The following RREB1 variants were observed in gnomAD, a reference collection of about 807,000 sequenced individuals.
RREB1 encodes ras-responsive element-binding protein 1.
RREB1 carries 27 observed loss-of-function variants against 117.8 expected under a neutral mutation model. The observed-to-expected ratio is 0.23, with a 90% CI of 0.17 to 0.32. The LOEUF (loss-of-function observed/expected upper bound fraction) is 0.32, where lower values mean the gene tolerates loss of function less well. Ranked by LOEUF, RREB1 falls within the 10% of genes least tolerant of loss-of-function variation. The probability of loss-of-function intolerance (pLI) is 1.00; values close to 1 mark genes in which losing one functional copy is unlikely to be tolerated. For missense variants in RREB1, 2,577 were observed against 2,378.2 expected (o/e 1.08, Z -1.74); for synonymous variants, 1,298 against 1,026.7 (o/e 1.26, Z -5.05).
chr6:7,192,926 C>A (rs1765484822), intron 6 of RREB1, among the ~76,000 whole-genome samples: 1 of 152,120 alleles, frequency 6.6e-6, no homozygotes. Flanking sequence ...TTATAGCTAT[C>A]CATTTTCGTA....
At chr6:7,166,273 A>G (rs902882013) in intron 1 of RREB1, among the ~76,000 whole-genome samples, 1 of 152,208 alleles carries the variant, frequency 6.6e-6, no homozygotes, top group Non-Finnish European at 1.5e-5. Flanking sequence ...AAAAAGGCCC[A>G]TCCTGCCTGC....
At chr6:7,201,473 A>G (rs1328371099) in intron 6 of RREB1, among the ~76,000 whole-genome samples, 1 of 152,024 alleles carries the variant, frequency 6.6e-6, no homozygotes, top group Non-Finnish European at 1.5e-5. Flanking sequence ...GTGTTAAGGA[A>G]GGTGATTAGT....
intron 1 of RREB1, among the ~76,000 whole-genome samples, chr6:7,168,053 G>A: frequency 6.6e-6 from 1 of 152,098 alleles, no homozygotes. Context: ...TTGAGGTCAG[G>A]AGTTTGAGAC....
intron 8 of RREB1, among the ~76,000 whole-genome samples, chr6:7,225,236 C>T (rs771430330): frequency 2.0e-5 from 3 of 152,176 alleles, no homozygotes; most frequent in Non-Finnish European, 4.4e-5. Context: ...TACGCTTGCA[C>T]ACATAAATAC....
chr6:7,143,870 T>TTTTTTTTG (rs1762742886), intron 1 of RREB1, among the ~76,000 whole-genome samples: 1 of 86,970 alleles, frequency 1.1e-5, no homozygotes, highest in African/African-American at 4.0e-5. Flanking sequence ...TTTTTTTTTT[T>TTTTTTTTG]GCATAGGCCA....
chr6:7,228,755 G>A (rs942312480), intron 9 of RREB1, among the ~76,000 whole-genome samples: 17 of 151,684 alleles, frequency 1.1e-4, no homozygotes, highest in African/African-American at 3.9e-4. Context: ...TGATCCTCCC[G>A]CCTCAGTCTC....
intron 1 of RREB1, among the ~76,000 whole-genome samples, chr6:7,166,805 G>A (rs917989749): frequency 5.3e-5 from 8 of 152,138 alleles, no homozygotes; most frequent in Non-Finnish European, 8.8e-5. Context: ...CTTGCAGCTC[G>A]TCCCTGGGGC....
At chr6:7,142,277 A>G (rs952259950) in intron 1 of RREB1, among the ~76,000 whole-genome samples, 21 of 149,832 alleles carry the variant, frequency 1.4e-4, no homozygotes, top group African/African-American at 5.2e-4. Flanking sequence ...CACAAAACCC[A>G]GCCAGTTCTC....
intron 1 of RREB1, among the ~76,000 whole-genome samples, chr6:7,143,027 A>G (rs1424730893): frequency 6.6e-6 from 1 of 152,148 alleles, no homozygotes; most frequent in Non-Finnish European, 1.5e-5. Flanking sequence ...TCACTTTTAC[A>G]TTTGTGTTGG....
At chr6:7,149,887 C>G (rs529171201) in intron 1 of RREB1, among the ~76,000 whole-genome samples, 3 of 151,956 alleles carry the variant, frequency 2.0e-5, no homozygotes, top group Non-Finnish European at 4.4e-5. Flanking sequence ...CGGGGTTTCA[C>G]CATGTTGGCC....
At chr6:7,234,711 T>C (rs1467660311) in intron 10 of RREB1, among the ~76,000 whole-genome samples, 1 of 152,250 alleles carries the variant, frequency 6.6e-6, no homozygotes, top group Non-Finnish European at 1.5e-5. Flanking sequence ...GTAGAGCTAG[T>C]CTTCATGACA....
At chr6:7,171,154 T>A (rs1322607701) in intron 1 of RREB1, among the ~76,000 whole-genome samples, 1 of 152,218 alleles carries the variant, frequency 6.6e-6, no homozygotes, top group East Asian at 1.9e-4. Flanking sequence ...GCTTGGCTGC[T>A]TCTAGAACAC....
chr6:7,122,096 G>A (rs901128344), intron 1 of RREB1, among the ~76,000 whole-genome samples: 1 of 152,174 alleles, frequency 6.6e-6, no homozygotes, highest in Non-Finnish European at 1.5e-5. Flanking sequence ...TTTGGATAAT[G>A]CTTTTCTCTA....
intron 8 of RREB1, chr6:7,215,984 G>A (rs1201425240): frequency 6.6e-6 from 1 of 152,248 alleles, no homozygotes; most frequent in Non-Finnish European, 1.5e-5. Context: ...TGGTCACCCT[G>A]TTGGCACAGC....
At chr6:7,203,812 A>G (rs1415612259) in intron 6 of RREB1, among the ~76,000 whole-genome samples, 2 of 152,194 alleles carry the variant, frequency 1.3e-5, no homozygotes, top group Admixed American at 1.3e-4. Context: ...GGGCTTGTAG[A>G]AGACATCCAT....
intron 8 of RREB1, among the ~76,000 whole-genome samples, chr6:7,221,510 GCTGCACCACAT>G (rs1401210718): frequency 6.6e-6 from 1 of 152,034 alleles, no homozygotes; most frequent in Non-Finnish European, 1.5e-5. Context: ...CTTTTAACCA[GCTGCACCACAT>G]GCTTCTGGTT....
At position 7,148,962 on chromosome 6, in the gene RREB1, G is replaced by T. The variant is rs572580916; in HGVS notation, c.-284-27693G>T. Among the ~76,000 whole-genome samples the T allele has an allele frequency of 5.3e-4, 80 of 152,234 alleles. 1 individual carries two copies. The Middle Eastern group carries it at 0.017, about 32-fold the overall frequency. On this transcript the variant is annotated intron_variant, in intron 1 of 12. Coordinates refer to ENST00000379938, the MANE Select transcript of RREB1 (RefSeq NM_001003699.4). The stretch of plus-strand genomic sequence containing the variant: ...TTTTGAGACAGAGTCTTGCTCTGTT[G>T]CCCAGAATGGAGTGCAATGGCATGA...
chr6:7,157,157 C>T (rs907307087), intron 1 of RREB1, among the ~76,000 whole-genome samples: 2 of 152,092 alleles, frequency 1.3e-5, no homozygotes, highest in African/African-American at 2.4e-5. Flanking sequence ...TTTGGCTGGG[C>T]GCGGTGGCTC....
intron 6 of RREB1, among the ~76,000 whole-genome samples, chr6:7,191,442 A>G (rs1196724386): frequency 6.6e-6 from 1 of 152,126 alleles, no homozygotes; most frequent in Non-Finnish European, 1.5e-5. Flanking sequence ...GTTGTACGAC[A>G]TTTTGTGTGG....
Sources: gnomAD v4.1 joint callset for allele counts (sites outside exome capture counted in the v4.1 genomes callset) on GRCh38, gnomAD v4.1.1 for gene constraint, MANE v1.5 for transcripts, NCBI Gene and HGNC (gene_info 2026-07-23, HGNC 2026-07-21) for gene names.